Variants in FGF14 observed in about 807,000 individuals in gnomAD.
FGF14 encodes fibroblast growth factor 14, also known as fibroblast growth factor homologous factor 4.
In FGF14, 5 loss-of-function variants were observed where a neutral mutation model predicts 25.5. The observed-to-expected ratio is 0.20, with a 90% CI of 0.10 to 0.41. The LOEUF (loss-of-function observed/expected upper bound fraction) is 0.41, where lower values mean the gene tolerates loss of function less well. Ranked by LOEUF, FGF14 falls within the 10% of genes least tolerant of loss-of-function variation. The pLI, the probability that FGF14 is intolerant of heterozygous loss-of-function variation, is 1.00. For synonymous variants in FGF14, 138 were observed against 118.3 expected (o/e 1.17, Z -1.08); for missense variants, 222 against 320.1 (o/e 0.69, Z 2.34).
intron 3 of FGF14, among the ~76,000 whole-genome samples, chr13:101,849,248 G>T (rs893661502): frequency 2.0e-5 from 3 of 152,010 alleles, no homozygotes; most frequent in Non-Finnish European, 4.4e-5. Context: ...AGTGGGAAAA[G>T]GGGGTTTTCT....
chr13:102,277,075 T>G (rs1436912650), intron 1 of FGF14, among the ~76,000 whole-genome samples: 1 of 152,214 alleles, frequency 6.6e-6, no homozygotes, highest in East Asian at 1.9e-4. Context: ...TTCAAATATT[T>G]TGTAGATTAA....
chr13:102,248,926 C>T (rs2052020517), intron 1 of FGF14, among the ~76,000 whole-genome samples: 1 of 152,058 alleles, frequency 6.6e-6, no homozygotes, highest in Non-Finnish European at 1.5e-5. Flanking sequence ...GGAGTCCAAA[C>T]CCCAAAATTT....
chr13:102,339,909 C>T (rs2056898827), intron 1 of FGF14, among the ~76,000 whole-genome samples: 1 of 152,182 alleles, frequency 6.6e-6, no homozygotes, highest in African/African-American at 2.4e-5. Context: ...GAGTTAAGCA[C>T]TCACCACAAT....
At chr13:101,748,903 G>A (rs2037079477) in intron 3 of FGF14, among the ~76,000 whole-genome samples, 2 of 151,900 alleles carry the variant, frequency 1.3e-5, no homozygotes, top group Non-Finnish European at 2.9e-5. Context: ...CTGAGAGGTG[G>A]AAGCAACCCA....
chr13:101,786,639 G>C (rs906915049), intron 3 of FGF14, among the ~76,000 whole-genome samples: 1 of 151,920 alleles, frequency 6.6e-6, no homozygotes, highest in African/African-American at 2.4e-5. Context: ...TTGGATTAGG[G>C]CCCACCCTAA....
chr13:101,759,513 C>G (rs1393580453), intron 3 of FGF14, among the ~76,000 whole-genome samples: 1 of 152,170 alleles, frequency 6.6e-6, no homozygotes, highest in Non-Finnish European at 1.5e-5. Flanking sequence ...TACAGATTCT[C>G]TGAGTGCCCA....
intron 1 of FGF14, among the ~76,000 whole-genome samples, chr13:102,289,759 A>G (rs1223708564): frequency 6.6e-6 from 1 of 152,166 alleles, no homozygotes; most frequent in African/African-American, 2.4e-5. Context: ...GCCTTAGACA[A>G]TGCTCTATAC....
intron 1 of FGF14, among the ~76,000 whole-genome samples, chr13:102,282,856 A>C (rs1166384008): frequency 6.9e-6 from 1 of 145,364 alleles, no homozygotes; most frequent in African/African-American, 2.5e-5. Context: ...CATGCAATTA[A>C]AAAAAAAAAA....
intron 1 of FGF14, among the ~76,000 whole-genome samples, chr13:101,884,425 C>T (rs1466283785): frequency 6.6e-6 from 1 of 152,044 alleles, no homozygotes; most frequent in African/African-American, 2.4e-5. Context: ...AGTTTTGCCT[C>T]AGAAGACAGA....
intron 1 of FGF14, among the ~76,000 whole-genome samples, chr13:102,125,193 A>G (rs904036090): frequency 2.0e-5 from 3 of 152,136 alleles, no homozygotes; most frequent in African/African-American, 7.2e-5. Context: ...TTTCTATTGA[A>G]AATTTATTTT....
chr13:101,907,420 T>C (rs1177268830), intron 1 of FGF14, among the ~76,000 whole-genome samples: 2 of 152,182 alleles, frequency 1.3e-5, no homozygotes, highest in African/African-American at 4.8e-5. Flanking sequence ...AGTATTTCGA[T>C]GCTAACTTTA....
At chr13:102,150,822 A>C (rs944886119) in intron 1 of FGF14, among the ~76,000 whole-genome samples, 1 of 152,190 alleles carries the variant, frequency 6.6e-6, no homozygotes, top group Non-Finnish European at 1.5e-5. Context: ...GGTATGTTGT[A>C]GATAGAGATC....
At chr13:102,300,858 T>C (rs900204975) in intron 1 of FGF14, among the ~76,000 whole-genome samples, 1 of 151,668 alleles carries the variant, frequency 6.6e-6, no homozygotes, top group African/African-American at 2.4e-5. Context: ...AGAACACTGA[T>C]CTAAATTTGC....
intron 3 of FGF14, among the ~76,000 whole-genome samples, chr13:101,846,755 G>C (rs1386287901): frequency 6.6e-6 from 1 of 152,010 alleles, no homozygotes; most frequent in Admixed American, 6.6e-5. Context: ...CCTCTCTAAA[G>C]GCCTCCAGGT....
intron 1 of FGF14, among the ~76,000 whole-genome samples, chr13:102,210,103 A>G (rs1220095950): frequency 6.6e-6 from 1 of 151,782 alleles, no homozygotes; most frequent in Non-Finnish European, 1.5e-5. Context: ...ACCTAAATCT[A>G]AAATTATTTT....
At chr13:102,277,279 C>G (rs1283764089) in intron 1 of FGF14, among the ~76,000 whole-genome samples, 3 of 152,152 alleles carry the variant, frequency 2.0e-5, no homozygotes, top group Admixed American at 2.0e-4. Flanking sequence ...TTGCACATTC[C>G]TCATTAATTC....
At chr13:102,159,407 C>A (rs1008976811) in intron 1 of FGF14, among the ~76,000 whole-genome samples, 58 of 152,282 alleles carry the variant, frequency 3.8e-4, no homozygotes, top group African/African-American at 1.3e-3. Context: ...GGCATCAGTA[C>A]AGAGTACAAA....
intron 3 of FGF14, among the ~76,000 whole-genome samples, chr13:101,829,551 G>A (rs1158322527): frequency 6.6e-6 from 1 of 151,804 alleles, no homozygotes; most frequent in Admixed American, 6.6e-5. Context: ...CTATTCCGGA[G>A]GTATTGAGAA....
intron 1 of FGF14, among the ~76,000 whole-genome samples, chr13:102,397,070 G>A (rs976228270): frequency 2.2e-4 from 34 of 152,176 alleles, no homozygotes; most frequent in African/African-American, 7.7e-4. Context: ...ACTTGCAGAG[G>A]TTGTGGCCCA....
Sources: allele counts gnomAD v4.1 joint callset (sites outside exome capture counted in the v4.1 genomes callset), GRCh38; gene constraint gnomAD v4.1.1; transcripts MANE v1.5; gene names NCBI Gene and HGNC (gene_info 2026-07-23, HGNC 2026-07-21).